PTPRK: variants seen among roughly 807,000 people sequenced by gnomAD.
PTPRK encodes the protein receptor-type tyrosine-protein phosphatase kappa.
A neutral mutation model predicts 178.0 loss-of-function variants in PTPRK; 75 were observed. That is an observed-to-expected ratio of 0.42 (90% CI 0.35 to 0.51). The LOEUF (loss-of-function observed/expected upper bound fraction) is 0.51, where lower values mean the gene tolerates loss of function less well. PTPRK is among the 20% of genes least tolerant of loss of function. PTPRK has a pLI of 0.02. For missense variants in PTPRK, 1,441 were observed against 1,797.8 expected, an observed-to-expected ratio of 0.80 and a Z score of 3.59; for synonymous variants, 637 against 620.6, an observed-to-expected ratio of 1.03 and a Z score of -0.39.
chr6:128,032,815 G>A (rs555797328), intron 13 of PTPRK, among the ~76,000 whole-genome samples: 2 of 152,272 alleles, frequency 1.3e-5, no homozygotes, highest in Non-Finnish European at 2.9e-5. Context: ...TATCAGCTTA[G>A]TGCATATTAT....
At chr6:128,488,150 T>G (rs1853236838) in intron 1 of PTPRK, among the ~76,000 whole-genome samples, 1 of 152,148 alleles carries the variant, frequency 6.6e-6, no homozygotes, top group Non-Finnish European at 1.5e-5. Flanking sequence ...AAATCACTGG[T>G]GCAGGTCCAA....
At chr6:128,129,848 A>G (rs1375965171) in intron 7 of PTPRK, among the ~76,000 whole-genome samples, 3 of 152,174 alleles carry the variant, frequency 2.0e-5, no homozygotes, top group Non-Finnish European at 4.4e-5. Flanking sequence ...TAGATGTGTC[A>G]TCATGTCAGT....
intron 6 of PTPRK, among the ~76,000 whole-genome samples, chr6:128,210,639 T>G (rs1807967543): frequency 6.6e-6 from 1 of 151,896 alleles, no homozygotes; most frequent in East Asian, 1.9e-4. Context: ...AAAGAACAAA[T>G]TTGGAGTGGC....
chr6:128,043,013 A>G (rs1268210941), intron 13 of PTPRK, among the ~76,000 whole-genome samples: 1 of 152,036 alleles, frequency 6.6e-6, no homozygotes, highest in Non-Finnish European at 1.5e-5. Context: ...TCCTAGAATT[A>G]AAGGCAATAA....
At position 127,976,418 on chromosome 6, in the gene PTPRK, A is replaced by C. The variant is rs150191244; in HGVS notation, c.3969+239T>G. On this transcript the variant is annotated intron_variant, in intron 27 of 29. Coordinates refer to ENST00000368226, the MANE Select transcript of PTPRK (RefSeq NM_002844.4). ...CTGTCCAACTTGACTGAGCCAGTGC[A>C]TCTGTATTTCCTGAGAGAATATGCT... is the stretch of plus-strand genomic sequence containing the variant. Among the ~76,000 whole-genome samples the C allele has an allele frequency of 4.7e-3, 710 of 152,318 alleles. 11 individuals are homozygous for C. The highest frequency in any genetic ancestry group is 0.016 in the African/African-American group (677 of 41,568).
At chr6:128,217,575 A>G (rs910923052) in intron 6 of PTPRK, among the ~76,000 whole-genome samples, 3 of 152,250 alleles carry the variant, frequency 2.0e-5, no homozygotes, top group Admixed American at 6.5e-5. Flanking sequence ...CGTTAAAAAT[A>G]TCAAAGGTTA....
At chr6:128,099,544 T>C (rs1025578024) in intron 7 of PTPRK, among the ~76,000 whole-genome samples, 2 of 152,128 alleles carry the variant, frequency 1.3e-5, no homozygotes, top group African/African-American at 4.8e-5. Context: ...AGAAACTTAT[T>C]AGAGAGACTA....
At chr6:128,266,196 C>A (rs975180169) in intron 3 of PTPRK, among the ~76,000 whole-genome samples, 1 of 152,118 alleles carries the variant, frequency 6.6e-6, no homozygotes, top group African/African-American at 2.4e-5. Context: ...GGATACAGAA[C>A]AAGAATCAAA....
At chr6:128,511,175 G>GA (rs1857126181) in intron 1 of PTPRK, among the ~76,000 whole-genome samples, 1 of 152,194 alleles carries the variant, frequency 6.6e-6, no homozygotes, top group Admixed American at 6.5e-5. Context: ...ATCTGTAAAT[G>GA]TATACAAGCC....
rs564114723 is a variant in PTPRK, at chr6:128,093,488, G to A, written c.1163-3496C>T. On this transcript the variant is annotated intron_variant, in intron 7 of 29. Coordinates refer to ENST00000368226, the MANE Select transcript of PTPRK (RefSeq NM_002844.4). The stretch of plus-strand genomic sequence containing the variant: ...TGGATGCCTGTAGTCCTGGTTACTG[G>A]GGAGGCTGGGGCAGAAGAATCACTT... 3.2e-3 allele frequency among the ~76,000 whole-genome samples: 483 copies of A among 150,240 alleles called. 1 individual carries two copies. Among genetic ancestry groups the A allele is most frequent in the African/African-American group, 0.011 (456 of 41,010 alleles).
intron 7 of PTPRK, among the ~76,000 whole-genome samples, chr6:128,149,746 T>C (rs973415145): frequency 6.6e-6 from 1 of 152,174 alleles, no homozygotes; most frequent in Non-Finnish European, 1.5e-5. Context: ...ACTTTCTATT[T>C]TGATATATGG....
intron 13 of PTPRK, among the ~76,000 whole-genome samples, chr6:128,011,093 A>G (rs1204533884): frequency 6.6e-6 from 1 of 151,276 alleles, no homozygotes; most frequent in African/African-American, 2.4e-5. Context: ...ATATATTACA[A>G]AGTTGAATGA....
At chr6:128,057,630 G>C (rs975238492) in intron 13 of PTPRK, among the ~76,000 whole-genome samples, 2 of 152,066 alleles carry the variant, frequency 1.3e-5, no homozygotes, top group Non-Finnish European at 2.9e-5. Flanking sequence ...ATAGGAAGAG[G>C]CTCTTGGAAG....
intron 1 of PTPRK, among the ~76,000 whole-genome samples, chr6:128,515,600 AT>A (rs1857874186): frequency 6.6e-6 from 1 of 152,206 alleles, no homozygotes; most frequent in Admixed American, 6.5e-5. Flanking sequence ...GCAAAGGCTG[AT>A]TTCAATAAAC....
rs553940478 is a variant in PTPRK, at chr6:128,384,377, A to C, written c.223+13189T>G. On this transcript the variant is annotated intron_variant, in intron 2 of 29. Transcript: ENST00000368226. ...CTCGCAATACAAAGATTTTTGGACA[A>C]TATTTCTATTTTTTTTTTCCTGAGA... Among the ~76,000 whole-genome samples, 36 of 126,706 alleles carry C rather than the reference A, an allele frequency of 2.8e-4. No individual in the cohort carries two copies. The South Asian group carries it at 0.01, about 36-fold the overall frequency. The allele number at this position is 126,706 out of a possible 152,430, so 83.1% of individuals were successfully genotyped here.
At chr6:128,201,616 T>C (rs899920810) in intron 6 of PTPRK, among the ~76,000 whole-genome samples, 11 of 152,088 alleles carry the variant, frequency 7.2e-5, no homozygotes, top group Admixed American at 5.2e-4. Context: ...CTCAGCACTT[T>C]GGGAGGCTGA....
At chr6:128,462,679 G>T (rs1159644796) in intron 1 of PTPRK, among the ~76,000 whole-genome samples, 1 of 150,088 alleles carries the variant, frequency 6.7e-6, no homozygotes, top group African/African-American at 2.5e-5. Flanking sequence ...ATTTGAGATG[G>T]AGTTTTGCTC....
At chr6:128,506,033 T>G (rs1585007378) in intron 1 of PTPRK, among the ~76,000 whole-genome samples, 1 of 150,244 alleles carries the variant, frequency 6.7e-6, no homozygotes, top group African/African-American at 2.5e-5. Flanking sequence ...TATATAGAAT[T>G]CATAAACACG....
At chr6:128,152,711 G>A (rs1038955399) in intron 7 of PTPRK, among the ~76,000 whole-genome samples, 1 of 151,960 alleles carries the variant, frequency 6.6e-6, no homozygotes, top group African/African-American at 2.4e-5. Flanking sequence ...CTAAGACGGT[G>A]ATAAAGTGAA....
Sources: gnomAD v4.1 joint callset for allele counts (sites outside exome capture counted in the v4.1 genomes callset) on GRCh38, gnomAD v4.1.1 for gene constraint, MANE v1.5 for transcripts, NCBI Gene and HGNC (gene_info 2026-07-23, HGNC 2026-07-21) for gene names.